The following GRM8 variants were observed in gnomAD, a reference collection of about 807,000 sequenced individuals.
GRM8 encodes the protein glutamate metabotropic receptor 8, also known as metabotropic glutamate receptor 8.
A neutral mutation model predicts 87.2 loss-of-function variants in GRM8; 47 were observed. The ratio of observed to expected loss-of-function variants is 0.54; its 90% CI spans 0.43 to 0.69. The LOEUF is 0.69. Ranked by LOEUF, GRM8 falls within the 30% of genes least tolerant of loss-of-function variation. GRM8 has a pLI of 0.00. For synonymous variants in GRM8, 396 were observed against 404.5 expected (o/e 0.98, Z 0.25); for missense variants, 1,019 against 1,139.2 (o/e 0.89, Z 1.52).
intron 6 of GRM8, among the ~76,000 whole-genome samples, chr7:126,794,782 C>T (rs531382931): frequency 6.6e-6 from 1 of 152,148 alleles, no homozygotes; most frequent in Non-Finnish European, 1.5e-5. Flanking sequence ...GTAACTCCAT[C>T]TTAGTGAATT....
chr7:126,724,593 C>T lies in GRM8; in HGVS notation c.1357+45272G>A, dbSNP rs192793727. Among the ~76,000 whole-genome samples, 284 of 152,216 alleles carry T rather than the reference C, an allele frequency of 1.9e-3. 1 individual carries two copies. Among genetic ancestry groups the T allele is most frequent in the African/African-American group, 6.6e-3 (276 of 41,540 alleles). ...TGCTTATTACAACTGGTTAACCTAA[C>T]AAATATGTATGGGTATCTCAGGAAT... On this transcript the variant is annotated intron_variant, in intron 7 of 10. Coordinates refer to ENST00000339582, the MANE Select transcript of GRM8 (RefSeq NM_000845.3).
At chr7:126,648,698 T>C (rs755250652) in intron 7 of GRM8, among the ~76,000 whole-genome samples, 29 of 152,204 alleles carry the variant, frequency 1.9e-4, no homozygotes, top group Non-Finnish European at 4.0e-4. Context: ...TACCAACAAG[T>C]TGCATATCTA....
chr7:127,176,517 G>A (rs192508295), intron 2 of GRM8, among the ~76,000 whole-genome samples: 5 of 152,244 alleles, frequency 3.3e-5, no homozygotes, highest in East Asian at 1.9e-4. Flanking sequence ...AGACAGCAAC[G>A]TACAGAAGCT....
chr7:126,556,790 A>G (rs755935526), intron 8 of GRM8, among the ~76,000 whole-genome samples: 1 of 152,206 alleles, frequency 6.6e-6, no homozygotes, highest in Admixed American at 6.5e-5. Context: ...AAATGTATGT[A>G]TTTTTGTTCC....
At chr7:126,774,997 T>C (rs780433525) in intron 6 of GRM8, among the ~76,000 whole-genome samples, 1 of 152,138 alleles carries the variant, frequency 6.6e-6, no homozygotes, top group Non-Finnish European at 1.5e-5. Flanking sequence ...AAAAAACAAA[T>C]GGAAGTCATA....
At chr7:127,232,974 A>T (rs1797778008) in intron 2 of GRM8, among the ~76,000 whole-genome samples, 1 of 152,034 alleles carries the variant, frequency 6.6e-6, no homozygotes, top group Non-Finnish European at 1.5e-5. Context: ...AGTAGCTGGG[A>T]TTACAAGCAC....
At position 126,790,040 on chromosome 7, in the gene GRM8, T is replaced by C. The variant is rs182675255; in HGVS notation, c.1157-19975A>G. 1.8e-3 allele frequency among the ~76,000 whole-genome samples: 275 copies of C among 151,690 alleles called. 1 individual carries two copies. The highest frequency in any genetic ancestry group is 0.013 in the South Asian group (63 of 4,814). ...TTTTTTTTTTTGGACAGAGTTTCGC[T>C]CTTGTCGCCCAGGCTGGAGTGCAAT... On this transcript the variant is annotated intron_variant, in intron 6 of 10. Coordinates refer to ENST00000339582, the MANE Select transcript of GRM8 (RefSeq NM_000845.3).
chr7:126,699,569 C>T lies in GRM8; in HGVS notation c.1357+70296G>A, dbSNP rs114003741. ...TTCATACATTATTTTTATCACCTTCCTCTTCTATTTCCTCTTTCATTTTTC... is the reference window on the plus strand; with the variant it reads ...TTCATACATTATTTTTATCACCTTCTTCTTCTATTTCCTCTTTCATTTTTC... On this transcript the variant is annotated intron_variant, in intron 7 of 10. Coordinates refer to ENST00000339582, the MANE Select transcript of GRM8 (RefSeq NM_000845.3). Among the ~76,000 whole-genome samples the T allele has an allele frequency of 7.5e-3, 1,146 of 152,146 alleles. 15 individuals carry two copies. Among genetic ancestry groups the T allele is most frequent in the African/African-American group, 0.026 (1,083 of 41,496 alleles).
At chr7:126,998,903 G>A (rs1308734709) in intron 3 of GRM8, among the ~76,000 whole-genome samples, 1 of 151,456 alleles carries the variant, frequency 6.6e-6, no homozygotes, top group Non-Finnish European at 1.5e-5. Context: ...AGTAGAAAAA[G>A]TAATCCTATG....
chr7:126,595,457 G>A (rs552103983), intron 8 of GRM8, among the ~76,000 whole-genome samples: 2 of 147,828 alleles, frequency 1.4e-5, no homozygotes, highest in South Asian at 2.2e-4. Context: ...TGTAGAGATG[G>A]GGTTTTGTCA....
At chr7:127,115,929 C>T (rs928187111) in intron 2 of GRM8, among the ~76,000 whole-genome samples, 2 of 152,108 alleles carry the variant, frequency 1.3e-5, no homozygotes, top group Non-Finnish European at 2.9e-5. Context: ...CCATCCTGGG[C>T]AACACAGTGA....
At chr7:127,017,156 C>T (rs1402522622) in intron 3 of GRM8, among the ~76,000 whole-genome samples, 3 of 152,010 alleles carry the variant, frequency 2.0e-5, no homozygotes, top group Non-Finnish European at 4.4e-5. Flanking sequence ...GATTTTAATA[C>T]TGTTTTCTGA....
chr7:126,689,167 A>G (rs1053843878), intron 7 of GRM8, among the ~76,000 whole-genome samples: 1 of 151,714 alleles, frequency 6.6e-6, no homozygotes, highest in African/African-American at 2.4e-5. Context: ...GCCCTGGCTT[A>G]CCTCTCTGTG....
At chr7:126,713,663 C>T (rs1397680456) in intron 7 of GRM8, among the ~76,000 whole-genome samples, 1 of 149,964 alleles carries the variant, frequency 6.7e-6, no homozygotes, top group Non-Finnish European at 1.5e-5. Context: ...ATGCTGAGCT[C>T]ATAGAAGCAG....
intron 6 of GRM8, among the ~76,000 whole-genome samples, chr7:126,804,438 G>C (rs1792443233): frequency 6.6e-6 from 1 of 152,196 alleles, no homozygotes; most frequent in Admixed American, 6.5e-5. Flanking sequence ...GGCCAGGTCA[G>C]GCAGCCAGTT....
At position 126,987,621 on chromosome 7, in the gene GRM8, C is replaced by T. The variant is rs565459990; in HGVS notation, c.728-82938G>A. 3.7e-4 allele frequency among the ~76,000 whole-genome samples: 56 copies of T among 152,090 alleles called. 1 individual carries two copies. The highest frequency in any genetic ancestry group is 1.3e-3 in the African/African-American group (52 of 41,490). On this transcript the variant is annotated intron_variant, in intron 3 of 10. Coordinates refer to ENST00000339582, the MANE Select transcript of GRM8 (RefSeq NM_000845.3). ...GAGTATAGGTGCCTGCCACCACGCCCGGCTAATTTTTTGTATTTTTTTTAG... is the reference window on the plus strand; with the variant it reads ...GAGTATAGGTGCCTGCCACCACGCCTGGCTAATTTTTTGTATTTTTTTTAG...
chr7:127,053,387 T>C (rs145145400), intron 3 of GRM8, among the ~76,000 whole-genome samples: 13 of 152,334 alleles, frequency 8.5e-5, no homozygotes, highest in Non-Finnish European at 1.5e-4. Flanking sequence ...ACTCTTTTGG[T>C]TGAGAAATGA....
At chr7:126,667,177 C>T (rs963920149) in intron 7 of GRM8, among the ~76,000 whole-genome samples, 2 of 151,996 alleles carry the variant, frequency 1.3e-5, no homozygotes, top group Non-Finnish European at 2.9e-5. Flanking sequence ...ATGTATATAC[C>T]ATTATTATTA....
At chr7:126,454,907 C>T (rs1214022662) in intron 9 of GRM8, among the ~76,000 whole-genome samples, 1 of 151,662 alleles carries the variant, frequency 6.6e-6, no homozygotes, top group African/African-American at 2.4e-5. Flanking sequence ...ATTGTTTAAA[C>T]CACCCTGTGT....
Sources: allele counts gnomAD v4.1 joint callset (sites outside exome capture counted in the v4.1 genomes callset), GRCh38; gene constraint gnomAD v4.1.1; transcripts MANE v1.5; gene names NCBI Gene and HGNC (gene_info 2026-07-23, HGNC 2026-07-21).